The following ADGRL2 variants were observed in gnomAD, a reference collection of about 807,000 sequenced individuals.
ADGRL2 encodes the protein adhesion G protein-coupled receptor L2, also known as calcium-independent alpha-latrotoxin receptor 2.
Under a neutral mutation model 157.4 loss-of-function variants are expected in ADGRL2, and 44 were observed. The ratio of observed to expected loss-of-function variants is 0.28; its 90% confidence interval spans 0.22 to 0.36. ADGRL2 has a LOEUF of 0.36. Among genes scored for constraint, ADGRL2 ranks in the 10% least tolerant of loss-of-function variants. The pLI is 1.00. For missense variants in ADGRL2, 1,510 were observed against 1,768.9 expected, an observed-to-expected ratio of 0.85 and a Z score of 2.63; for synonymous variants, 585 against 624.7, an observed-to-expected ratio of 0.94 and a Z score of 0.95.
chr1:81,726,616 G>A (rs2084538999), intron 1 of ADGRL2, among the ~76,000 whole-genome samples: 1 of 152,162 alleles, frequency 6.6e-6, no homozygotes, highest in South Asian at 2.1e-4. Context: ...TTGGGAGAAG[G>A]AGGTCCTATT....
intron 3 of ADGRL2, among the ~76,000 whole-genome samples, chr1:81,681,187 T>C (rs2083105518): frequency 6.6e-6 from 1 of 152,188 alleles, no homozygotes; most frequent in African/African-American, 2.4e-5. Context: ...GATGTGAGTC[T>C]GATGTAATTT....
At chr1:81,373,022 T>C (rs1429235331) in intron 1 of ADGRL2, among the ~76,000 whole-genome samples, 1 of 152,216 alleles carries the variant, frequency 6.6e-6, no homozygotes, top group African/African-American at 2.4e-5. Context: ...TATGTCTTGG[T>C]GCAGCCCCAA....
At position 81,333,402 on chromosome 1, in the gene ADGRL2, A is replaced by T. The variant is rs543651519; in HGVS notation, c.-302+26893A>T. Among the ~76,000 whole-genome samples the T allele has an allele frequency of 7.9e-3, 931 of 117,546 alleles. 5 individuals are homozygous for T. Among genetic ancestry groups the T allele is most frequent in the South Asian group, 0.033 (135 of 4,042 alleles). 77.1% of individuals were successfully genotyped at this position (117,546 alleles called of 152,430 possible). On this transcript the variant is annotated intron_variant, in intron 1 of 24. Coordinates refer to the ADGRL2 transcript ENST00000370721. Reference sequence around the variant, plus strand: ...CACCTCCTTGACTTTTTAATTAATTAATTAATTAATTTATTTATTTATTTA... The same window carrying T: ...CACCTCCTTGACTTTTTAATTAATTTATTAATTAATTTATTTATTTATTTA...
At chr1:81,405,079 A>G (rs7546194) in intron 1 of ADGRL2, among the ~76,000 whole-genome samples, 73,637 of 152,012 alleles carry the variant, frequency 0.48, 18,568 homozygotes, top group Non-Finnish European at 0.54. Flanking sequence ...TATTATGTTG[A>G]CTTATGGAAC....
chr1:81,620,068 A>G lies in ADGRL2; in HGVS notation c.-143+39088A>G, dbSNP rs553714517. Among the ~76,000 whole-genome samples the G allele has an allele frequency of 8.5e-5, 13 of 152,306 alleles. No homozygotes were observed. In the South Asian group the frequency reaches 2.5e-3, roughly 29 times the overall value. On this transcript the variant is annotated intron_variant, in intron 3 of 24. Transcript: ENST00000370721. ...TAGCTGTTACCACTATTATCCTTAT[A>G]CTATGGTTTAAGGCTCAGAGGGCTG... is the stretch of plus-strand genomic sequence containing the variant.
At chr1:81,606,868 G>A (rs1347905481) in intron 3 of ADGRL2, among the ~76,000 whole-genome samples, 1 of 152,022 alleles carries the variant, frequency 6.6e-6, no homozygotes, top group Non-Finnish European at 1.5e-5. Context: ...CTGCAATCAT[G>A]TGACCATAAA....
intron 1 of ADGRL2, among the ~76,000 whole-genome samples, chr1:81,760,101 A>G (rs1292356263): frequency 2.6e-5 from 4 of 152,138 alleles, no homozygotes; most frequent in Non-Finnish European, 5.9e-5. Flanking sequence ...ATATATTCTT[A>G]TCAAGTCTCA....
chr1:81,526,650 A>T (rs1040747367), intron 2 of ADGRL2, among the ~76,000 whole-genome samples: 1 of 152,118 alleles, frequency 6.6e-6, no homozygotes, highest in Non-Finnish European at 1.5e-5. Flanking sequence ...TTTCTCTGGG[A>T]GGGAGATTTT....
At chr1:81,367,812 A>G (rs181680547) in intron 1 of ADGRL2, among the ~76,000 whole-genome samples, 1 of 152,162 alleles carries the variant, frequency 6.6e-6, no homozygotes, top group Admixed American at 6.5e-5. Flanking sequence ...TTGGCCTCCC[A>G]AAGTGCTGAG....
chr1:81,322,575 T>A (rs1039130069), intron 1 of ADGRL2, among the ~76,000 whole-genome samples: 1 of 152,128 alleles, frequency 6.6e-6, no homozygotes, highest in East Asian at 1.9e-4. Context: ...CACCTTAGGC[T>A]AGATTAATAG....
At chr1:81,657,000 AC>A (rs2082548342) in intron 3 of ADGRL2, among the ~76,000 whole-genome samples, 1 of 117,016 alleles carries the variant, frequency 8.5e-6, no homozygotes, top group Non-Finnish European at 1.7e-5. Flanking sequence ...ATGGAGTGAG[AC>A]CCTGTCTCAA....
At chr1:81,756,689 A>G (rs1012172632) in intron 1 of ADGRL2, among the ~76,000 whole-genome samples, 2 of 152,186 alleles carry the variant, frequency 1.3e-5, no homozygotes, top group Admixed American at 1.3e-4. Context: ...GTTTCATGTT[A>G]ATTTTCCCTC....
chr1:81,728,983 G>A (rs1436291804), intron 1 of ADGRL2, among the ~76,000 whole-genome samples: 1 of 152,022 alleles, frequency 6.6e-6, no homozygotes. Context: ...TATTGATATG[G>A]GAGTAGTTAA....
intron 2 of ADGRL2, among the ~76,000 whole-genome samples, chr1:81,580,255 G>T (rs552453113): frequency 6.6e-6 from 1 of 151,964 alleles, no homozygotes; most frequent in Admixed American, 6.6e-5. Context: ...CCAAAGTGCT[G>T]TCTGTGCTCA....
At chr1:81,712,870 C>A (rs937711322) in intron 1 of ADGRL2, among the ~76,000 whole-genome samples, 2 of 146,248 alleles carry the variant, frequency 1.4e-5, no homozygotes, top group Non-Finnish European at 3.0e-5. Flanking sequence ...TCAAGTGATT[C>A]TCCTGCCTCA....
chr1:81,755,260 A>T (rs945007438), intron 1 of ADGRL2, among the ~76,000 whole-genome samples: 1 of 149,888 alleles, frequency 6.7e-6, no homozygotes, highest in Admixed American at 6.7e-5. Context: ...TAATTGTAGT[A>T]TTTGTCACAG....
chr1:81,392,178 A>T (rs1360288243), intron 1 of ADGRL2, among the ~76,000 whole-genome samples: 2 of 151,864 alleles, frequency 1.3e-5, no homozygotes, highest in African/African-American at 4.8e-5. Flanking sequence ...ACCATGTGTA[A>T]AAAAGCACCA....
intron 2 of ADGRL2, among the ~76,000 whole-genome samples, chr1:81,531,620 C>T (rs537298767): frequency 6.6e-6 from 1 of 152,258 alleles, no homozygotes; most frequent in South Asian, 2.1e-4. Flanking sequence ...ATGAGCCACT[C>T]TTACAGGAGG....
intron 2 of ADGRL2, among the ~76,000 whole-genome samples, chr1:81,905,042 G>C (rs1489185838): frequency 6.6e-6 from 1 of 151,688 alleles, no homozygotes; most frequent in Non-Finnish European, 1.5e-5. Flanking sequence ...ATTCTGTATT[G>C]GCAATCTACT....
Sources: gnomAD v4.1 joint callset for allele counts (sites outside exome capture counted in the v4.1 genomes callset) on GRCh38, gnomAD v4.1.1 for gene constraint, MANE v1.5 for transcripts, NCBI Gene and HGNC (gene_info 2026-07-23, HGNC 2026-07-21) for gene names.